SORCS2: variants seen among roughly 807,000 people sequenced by gnomAD.
SORCS2 encodes sortilin related VPS10 domain containing receptor 2.
SORCS2 carries 100 observed loss-of-function variants against 141.6 expected under a neutral mutation model. The observed-to-expected ratio is 0.71, with a 90% CI of 0.60 to 0.83. The LOEUF (loss-of-function observed/expected upper bound fraction) is 0.83, where lower values mean the gene tolerates loss of function less well. SORCS2 is among the 40% of genes least tolerant of loss of function. The probability of loss-of-function intolerance (pLI) is 0.00; values close to 1 mark genes in which losing one functional copy is unlikely to be tolerated. For synonymous variants in SORCS2, 789 were observed against 676.9 expected (o/e 1.17, Z -2.57); for missense variants, 1,646 against 1,560.2 (o/e 1.05, Z -0.93).
At chr4:7,673,622 G>A (rs1722920883) in intron 8 of SORCS2, among the ~76,000 whole-genome samples, 1 of 152,170 alleles carries the variant, frequency 6.6e-6, no homozygotes, top group South Asian at 2.1e-4. Context: ...CTGGTGCGAG[G>A]TCTCTCTAGG....
intron 2 of SORCS2, among the ~76,000 whole-genome samples, chr4:7,425,990 G>T (rs1726407716): frequency 6.6e-6 from 1 of 152,252 alleles, no homozygotes. Flanking sequence ...TGGGGAGTTA[G>T]ACCCGGAGCA....
chr4:7,695,808 GTGGA>G (rs376259623), intron 11 of SORCS2, among the ~76,000 whole-genome samples: 392 of 3,758 alleles, frequency 0.1, 115 homozygotes, highest in Middle Eastern at 0.25. Flanking sequence ...GGGTGGGTGG[GTGGA>G]TGGATGGATG....
intron 1 of SORCS2, among the ~76,000 whole-genome samples, chr4:7,223,420 G>T (rs902792764): frequency 3.3e-5 from 5 of 152,078 alleles, no homozygotes; most frequent in Admixed American, 6.6e-5. Flanking sequence ...GTGGCCACAC[G>T]GTCATTTCTT....
intron 1 of SORCS2, among the ~76,000 whole-genome samples, chr4:7,225,859 G>A (rs758348761): frequency 3.9e-5 from 6 of 152,176 alleles, no homozygotes; most frequent in African/African-American, 1.2e-4. Context: ...GTGCTGTGGC[G>A]AGGGGGTTCC....
At chr4:7,697,368 G>T (rs1724780397) in intron 12 of SORCS2, 94 bp downstream of exon 12, 2 of 1,111,748 alleles carry the variant, frequency 1.8e-6, no homozygotes, top group Non-Finnish European at 1.3e-6. Flanking sequence ...CATTCCAGAG[G>T]CTCTGTGGGA....
chr4:7,510,448 G>C (rs1163343805), intron 2 of SORCS2, among the ~76,000 whole-genome samples: 3 of 152,232 alleles, frequency 2.0e-5, no homozygotes, highest in African/African-American at 7.2e-5. Flanking sequence ...GGCCAGGACA[G>C]CCGAGGTTAA....
intron 1 of SORCS2, among the ~76,000 whole-genome samples, chr4:7,383,812 G>A (rs1723133909): frequency 6.6e-6 from 1 of 152,084 alleles, no homozygotes; most frequent in African/African-American, 2.4e-5. Context: ...AGGAGTGACG[G>A]GTGAAATTAA....
intron 1 of SORCS2, among the ~76,000 whole-genome samples, chr4:7,267,208 T>G (rs1714802044): frequency 1.3e-5 from 2 of 152,246 alleles, no homozygotes; most frequent in Non-Finnish European, 2.9e-5. Flanking sequence ...GCATCTTCCT[T>G]TCTCCTAAGC....
chr4:7,491,095 C>T (rs548263578), intron 2 of SORCS2, among the ~76,000 whole-genome samples: 2 of 152,304 alleles, frequency 1.3e-5, no homozygotes, highest in Admixed American at 6.5e-5. Flanking sequence ...TATCCACTCC[C>T]CGGCTCTCCT....
chr4:7,293,285 A>C (rs778239050), intron 1 of SORCS2, among the ~76,000 whole-genome samples: 4 of 151,556 alleles, frequency 2.6e-5, no homozygotes, highest in African/African-American at 9.7e-5. Context: ...GCCTGGGCGA[A>C]AGAGCAAGAC....
At chr4:7,374,575 C>G (rs970360479) in intron 1 of SORCS2, among the ~76,000 whole-genome samples, 40 of 152,312 alleles carry the variant, frequency 2.6e-4, no homozygotes, top group African/African-American at 9.6e-4. Context: ...ACCATCTAGC[C>G]AAACTCACCT....
chr4:7,490,479 C>T (rs577552153), intron 2 of SORCS2, among the ~76,000 whole-genome samples: 1 of 151,918 alleles, frequency 6.6e-6, no homozygotes, highest in South Asian at 2.1e-4. Flanking sequence ...AGCCTTTGTC[C>T]TAGGGACCAT....
At chr4:7,403,997 A>ATATATATATATATATATATATTTTT (rs1265288820) in intron 2 of SORCS2, among the ~76,000 whole-genome samples, 1 of 19,002 alleles carries the variant, frequency 5.3e-5, no homozygotes, top group African/African-American at 1.5e-4. Context: ...ATATATATAT[A>ATATATATATATATATATATATTTTT]TTTTTTTTTT....
At chr4:7,221,082 AACAT>A (rs1380303627) in intron 1 of SORCS2, among the ~76,000 whole-genome samples, 2 of 152,208 alleles carry the variant, frequency 1.3e-5, no homozygotes, top group African/African-American at 4.8e-5. Flanking sequence ...CACCCAATTA[AACAT>A]ACAATCATGT....
intron 2 of SORCS2, among the ~76,000 whole-genome samples, chr4:7,454,877 G>A (rs1289838522): frequency 2.2e-5 from 3 of 134,308 alleles, no homozygotes. Context: ...GGTGCTGTGT[G>A]TTGGGGTCAG....
intron 2 of SORCS2, among the ~76,000 whole-genome samples, chr4:7,507,181 T>TTTA (rs902975126): frequency 3.9e-5 from 6 of 151,966 alleles, no homozygotes; most frequent in Non-Finnish European, 7.4e-5. Context: ...TTTATTATTA[T>TTTA]TTATTTATTT....
At chr4:7,564,480 C>T (rs1460346364) in intron 3 of SORCS2, among the ~76,000 whole-genome samples, 1 of 152,210 alleles carries the variant, frequency 6.6e-6, no homozygotes, top group African/African-American at 2.4e-5. Context: ...CTTGTTTACT[C>T]AGTTACTGCT....
chr4:7,486,114 G>A (rs1730964904), intron 2 of SORCS2, among the ~76,000 whole-genome samples: 1 of 152,158 alleles, frequency 6.6e-6, no homozygotes, highest in Non-Finnish European at 1.5e-5. Flanking sequence ...GTCTCTGTTG[G>A]TTGCTGGAGC....
At chr4:7,509,012 C>T (rs78557393) in intron 2 of SORCS2, among the ~76,000 whole-genome samples, 182 of 152,310 alleles carry the variant, frequency 1.2e-3, no homozygotes, top group African/African-American at 4.0e-3. Context: ...CACAGGGTCA[C>T]GCTGCCTCGG....
Sources: allele counts gnomAD v4.1 joint callset (sites outside exome capture counted in the v4.1 genomes callset), GRCh38; gene constraint gnomAD v4.1.1; transcripts MANE v1.5; gene names NCBI Gene and HGNC (gene_info 2026-07-23, HGNC 2026-07-21).